NUP58: variants seen among roughly 807,000 people sequenced by gnomAD.
The protein encoded by NUP58 is nucleoporin 58.
In NUP58, 17 loss-of-function variants were observed where a neutral mutation model predicts 70.1. The observed-to-expected ratio is 0.24, with a 90% CI of 0.17 to 0.36. NUP58 has a LOEUF of 0.36. NUP58 is among the 10% of genes least tolerant of loss of function. NUP58 has a pLI of 1.00. For missense variants in NUP58, 644 were observed against 701.5 expected (o/e 0.92, Z 0.93); for synonymous variants, 275 against 257.6 (o/e 1.07, Z -0.65).
chr13:25,322,142 G>GA (rs2031213599), intron 9 of NUP58, among the ~76,000 whole-genome samples: 1 of 152,186 alleles, frequency 6.6e-6, no homozygotes, highest in African/African-American at 2.4e-5. Context: ...ATCTTTCCGT[G>GA]AAGTTGTCCC....
At chr13:25,323,345 C>A (rs980779749) in intron 9 of NUP58, among the ~76,000 whole-genome samples, 1 of 147,694 alleles carries the variant, frequency 6.8e-6, no homozygotes, top group African/African-American at 2.5e-5. Context: ...CAAACCTGCA[C>A]ATCTACCCTG....
rs2031910210 is a variant in NUP58 at position 25,340,138 on chromosome 13, T to C, written c.*4T>C. On this transcript the variant is annotated 3_prime_UTR_variant, in exon 16 of 16. Transcript: ENST00000381736. ...AAACAAAAGAGGAAAAAGATAAACATGGGTTGATGTGTTGAGAGAATCCAT... is the reference window on the plus strand; with the variant it reads ...AAACAAAAGAGGAAAAAGATAAACACGGGTTGATGTGTTGAGAGAATCCAT... 1 of 1,608,024 alleles carries C rather than the reference T, an allele frequency of 6.2e-7. No individual in the cohort carries two copies. The highest frequency in any genetic ancestry group is 1.3e-5 in the African/African-American group (1 of 74,542).
intron 4 of NUP58, 98 bp downstream of exon 4, chr13:25,313,130 T>G: frequency 2.9e-6 from 4 of 1,384,066 alleles, no homozygotes; most frequent in Non-Finnish European, 3.9e-6. Context: ...AATTATTGAT[T>G]TATAAAGAAG....
downstream of NUP58, among the ~76,000 whole-genome samples, chr13:25,343,343 C>CT (rs1324589349): frequency 9.3e-5 from 14 of 151,112 alleles, no homozygotes; most frequent in African/African-American, 3.4e-4. Context: ...TATTATTATA[C>CT]TTTAAGTTTT....
At chr13:25,345,725 A>T (rs2032041509), downstream of NUP58, among the ~76,000 whole-genome samples, 1 of 152,206 alleles carries the variant, frequency 6.6e-6, no homozygotes, top group South Asian at 2.1e-4. Flanking sequence ...AGAGCACCAC[A>T]TGCTCAGACC....
intron 11 of NUP58, 86 bp from the exon 12 acceptor site, chr13:25,327,344 C>A (rs921214586): frequency 3.5e-6 from 3 of 850,492 alleles, no homozygotes; most frequent in Non-Finnish European, 3.7e-6. Context: ...TTAACTGTGC[C>A]AAAAATTGGA....
chr13:25,344,746 A>C (rs1237203630), downstream of NUP58, among the ~76,000 whole-genome samples: 2 of 152,104 alleles, frequency 1.3e-5, no homozygotes, highest in African/African-American at 4.8e-5. Context: ...TTCTTGTTTG[A>C]TTATTTTTAC....
intron 9 of NUP58, among the ~76,000 whole-genome samples, chr13:25,323,264 G>A (rs2031258813): frequency 1.3e-5 from 2 of 152,040 alleles, no homozygotes; most frequent in African/African-American, 4.8e-5. Flanking sequence ...GTTAATGCAT[G>A]CTGGGCTTAA....
chr13:25,330,612 A>AAAC (rs1251766370), intron 12 of NUP58, among the ~76,000 whole-genome samples: 1 of 152,220 alleles, frequency 6.6e-6, no homozygotes, highest in Admixed American at 6.5e-5. Flanking sequence ...TTCTAAAGTG[A>AAAC]AACAGAATTG....
chr13:25,305,179 T>C (rs1313081524), intron 1 of NUP58, among the ~76,000 whole-genome samples: 1 of 131,718 alleles, frequency 7.6e-6, no homozygotes, highest in African/African-American at 2.9e-5. Flanking sequence ...GGCCTTGCCC[T>C]GTCTCCCAGG....
At chr13:25,314,867 C>CT (rs1296180118) in intron 5 of NUP58, among the ~76,000 whole-genome samples, 1 of 151,884 alleles carries the variant, frequency 6.6e-6, no homozygotes, top group African/African-American at 2.4e-5. Flanking sequence ...AATTCTAATA[C>CT]TTTTTTTTAA....
Position 25,307,933 on chromosome 13 carries a change from G to A in NUP58, c.235G>A (p.Gly79Arg), listed in dbSNP as rs2030455687. The part of the protein sequence containing the change: ...GSKPATGFTL[G>R]GTNTGIATTI... ...TAAACCTGCCACTGGGTTCACTCTA[G>A]GAGGAACAAATACAGGTGAGGAGGA... is the stretch of plus-strand genomic sequence containing the variant. The change falls in exon 2 of 16, where the codon GGA becomes AGA. Residue 79 changes from glycine (G) to arginine (R), a missense_variant. Physicochemically the swap from Gly to Arg is moderately radical, Grantham distance 125. Around this residue, in one of 4 missense-constraint regions of NUP58, gnomAD observed 430 missense variants for 409.2 expected, o/e 1.05. Transcript: ENST00000381736. 7.4e-6 allele frequency: 12 copies of A among 1,614,068 alleles called. No individual in the cohort carries two copies. The East Asian group carries it at 2.7e-4, about 36-fold the overall frequency.
Position 25,305,130 on chromosome 13 carries a change from G to GTTTTTTTTTTTTTTTTT in NUP58, c.108-2661_108-2645dup, listed in dbSNP as rs562132125. 2.0e-4 allele frequency among the ~76,000 whole-genome samples: 12 copies of GTTTTTTTTTTTTTTTTT among 58,564 alleles called. 2 individuals carry two copies. The highest frequency in any genetic ancestry group is 5.6e-4 in the African/African-American group (11 of 19,504). 38.4% of individuals were successfully genotyped at this position (58,564 alleles called of 152,430 possible). ...GACTAAATGTTTAAAGATCTGTGGG[G>GTTTTTTTTTTTTTTTTT]TTTTTTTTTTTTTTTTTTTTTTTTT... is the stretch of plus-strand genomic sequence containing the variant. On this transcript the variant is annotated intron_variant, in intron 1 of 15. Coordinates refer to ENST00000381736, the MANE Select transcript of NUP58 (RefSeq NM_014089.4).
At chr13:25,321,429 C>G (rs1432889373) in intron 9 of NUP58, among the ~76,000 whole-genome samples, 3 of 152,178 alleles carry the variant, frequency 2.0e-5, no homozygotes, top group Non-Finnish European at 4.4e-5. Context: ...CCCTGGTAAT[C>G]CAACTCCAGA....
chr13:25,304,766 G>A lies in NUP58; in HGVS notation c.107+2886G>A, dbSNP rs550597965. ...GCTGGTCTCAAACTCCTGACTTCAGGTGATCCATCCACCTTGGCATCCCAA... is the reference window on the plus strand; with the variant it reads ...GCTGGTCTCAAACTCCTGACTTCAGATGATCCATCCACCTTGGCATCCCAA... On this transcript the variant is annotated intron_variant, in intron 1 of 15. Transcript: ENST00000381736. Among the ~76,000 whole-genome samples the A allele has an allele frequency of 4.0e-5, 6 of 151,634 alleles. No individual in the cohort carries two copies. The South Asian group carries it at 1.3e-3, about 32-fold the overall frequency.
chr13:25,333,837 G>A, intron 13 of NUP58: 2 of 985,362 alleles, frequency 2.0e-6, no homozygotes, highest in Non-Finnish European at 2.4e-6. Flanking sequence ...GAGAGCTTAT[G>A]CATTGTTTTT....
At chr13:25,338,270 C>CT (rs920421274) in intron 14 of NUP58, among the ~76,000 whole-genome samples, 1 of 151,952 alleles carries the variant, frequency 6.6e-6, no homozygotes, top group African/African-American at 2.4e-5. Context: ...GTATTTAGTC[C>CT]TTTTTTTGTG....
chr13:25,346,719 T>C (rs1211400796), downstream of NUP58, among the ~76,000 whole-genome samples: 6 of 128,862 alleles, frequency 4.7e-5, no homozygotes, highest in Non-Finnish European at 1.7e-5. Flanking sequence ...AAACTCCATC[T>C]AAAAAAAAAA....
At chr13:25,308,399 C>T (rs1051427343) in intron 2 of NUP58, among the ~76,000 whole-genome samples, 1 of 151,848 alleles carries the variant, frequency 6.6e-6, no homozygotes, top group Non-Finnish European at 1.5e-5. Flanking sequence ...GCCTCTCGGG[C>T]CCAAGTGATC....
Sources: allele counts gnomAD v4.1 joint callset (sites outside exome capture counted in the v4.1 genomes callset), GRCh38; gene constraint gnomAD v4.1.1; regional missense constraint gnomAD v4.1.1; transcripts MANE v1.5; gene names NCBI Gene and HGNC (gene_info 2026-07-23, HGNC 2026-07-21).